Variants in JHY observed in about 807,000 individuals in gnomAD.
JHY encodes jhy protein homolog.
JHY carries 69 observed loss-of-function variants against 78.0 expected under a neutral mutation model. That is an observed-to-expected ratio of 0.88 (90% CI 0.73 to 1.08). JHY has a LOEUF of 1.08. Among genes scored for constraint, JHY ranks in the 50% least tolerant of loss-of-function variants. The pLI is 0.00. For synonymous variants in JHY, 368 were observed against 342.6 expected, an observed-to-expected ratio of 1.07 and a Z score of -0.82; for missense variants, 944 against 927.8, an observed-to-expected ratio of 1.02 and a Z score of -0.23.
chr11:122,887,546 CTCTTGA>C (rs1862521654), intron 2 of JHY, among the ~76,000 whole-genome samples: 1 of 152,050 alleles, frequency 6.6e-6, no homozygotes, highest in African/African-American at 2.4e-5. Flanking sequence ...TGGTCTCGAT[CTCTTGA>C]TCTTGTGATC....
At chr11:122,915,971 A>G (rs1038536568) in intron 3 of JHY, among the ~76,000 whole-genome samples, 11 of 152,146 alleles carry the variant, frequency 7.2e-5, no homozygotes, top group African/African-American at 2.7e-4. Flanking sequence ...TAGTTGGTCA[A>G]TTAAATCAAA....
Position 122,884,441 on chromosome 11 carries a change from GA to G in JHY, c.-89-1308del, listed in dbSNP as rs1294616356. Reference sequence around the variant, plus strand: ...AAAGGTTTCTGTTACCTGACTCACAGAAAAAAAAAAAATGGGTATAAAGGCA... The same window carrying G: ...AAAGGTTTCTGTTACCTGACTCACAGAAAAAAAAAAATGGGTATAAAGGCA... On this transcript the variant is annotated intron_variant, in intron 1 of 8. Coordinates refer to ENST00000227349, the MANE Select transcript of JHY (RefSeq NM_024806.4). 3.5e-3 allele frequency among the ~76,000 whole-genome samples: 480 copies of G among 135,788 alleles called. 3 individuals are homozygous for G. Among genetic ancestry groups the G allele is most frequent in the African/African-American group, 8.6e-3 (318 of 37,010 alleles). The allele number at this position is 135,788 out of a possible 152,430, so 89.1% of individuals were successfully genotyped here.
chr11:122,946,063 C>T (rs1025905680), intron 5 of JHY, among the ~76,000 whole-genome samples: 1 of 152,214 alleles, frequency 6.6e-6, no homozygotes, highest in African/African-American at 2.4e-5. Context: ...ACCCAAAACT[C>T]TTGTAAAGAA....
At chr11:122,936,092 G>T (rs2135357913) in intron 5 of JHY, among the ~76,000 whole-genome samples, 1 of 152,296 alleles carries the variant, frequency 6.6e-6, no homozygotes, top group Middle Eastern at 3.4e-3. Flanking sequence ...TCCCCACGAT[G>T]TAGATGTATA....
At chr11:122,895,624 C>T (rs1012273993) in intron 2 of JHY, among the ~76,000 whole-genome samples, 1 of 152,186 alleles carries the variant, frequency 6.6e-6, no homozygotes, top group East Asian at 1.9e-4. Flanking sequence ...TCTCTGCCTC[C>T]GTTTCTAACC....
chr11:122,913,337 C>T lies in JHY; in HGVS notation c.864+8893C>T, dbSNP rs182564058. Among the ~76,000 whole-genome samples the T allele has an allele frequency of 2.4e-3, 370 of 152,258 alleles. 1 individual carries two copies. The highest frequency in any genetic ancestry group is 0.015 in the Admixed American group (229 of 15,284). On this transcript the variant is annotated intron_variant, in intron 3 of 8. Coordinates refer to ENST00000227349, the MANE Select transcript of JHY (RefSeq NM_024806.4). ...TAAAATAAGGAATTTATTAATAACT[C>T]GGGATCATGTATTTGGTACTTTAGT...
intron 5 of JHY, among the ~76,000 whole-genome samples, chr11:122,941,578 C>T (rs973779562): frequency 2.6e-5 from 4 of 152,176 alleles, no homozygotes. Context: ...TAAGGGTGTA[C>T]AACCAAACTA....
Position 122,917,732 on chromosome 11 carries a change from A to T in JHY, c.865-7165A>T, listed in dbSNP as rs2135329569. Among the ~76,000 whole-genome samples the T allele has an allele frequency of 6.6e-6, 1 of 152,240 alleles. No individual in the cohort carries two copies. The highest frequency in any genetic ancestry group is 1.9e-4 in the East Asian group (1 of 5,184). On this transcript the variant is annotated intron_variant, in intron 3 of 8. Coordinates refer to ENST00000227349, the MANE Select transcript of JHY (RefSeq NM_024806.4). This position sits in a 1 kb window ranked among gnomAD's most constrained non-coding sequence, Gnocchi z 4.1. ...TTGTGATTTTTTTGTTTTTATCTCTAATGTGTCCATTCAGAGGTCACACTT... is the reference window on the plus strand; with the variant it reads ...TTGTGATTTTTTTGTTTTTATCTCTTATGTGTCCATTCAGAGGTCACACTT...
rs1863458093 is a variant in JHY at position 122,924,798 on chromosome 11, C to T, written c.865-99C>T. ...GAAATTAACTGAAAATAAAACCTAG[C>T]CCAGCAGGACCGTTTTCTAGAGTGC... On this transcript the variant is annotated intron_variant, in intron 3 of 8. Coordinates refer to ENST00000227349, the MANE Select transcript of JHY (RefSeq NM_024806.4). 3.6e-6 allele frequency: 3 copies of T among 835,134 alleles called. No individual in the cohort carries two copies. The South Asian group carries it at 5.2e-5, about 14-fold the overall frequency. The allele number at this position is 835,134 out of a possible 1,614,324, so 51.7% of individuals were successfully genotyped here.
intron 5 of JHY, among the ~76,000 whole-genome samples, chr11:122,944,103 G>A (rs775305312): frequency 2.6e-5 from 4 of 152,072 alleles, no homozygotes; most frequent in Non-Finnish European, 5.9e-5. Flanking sequence ...AGGCTGAGGT[G>A]GGAGGATCAC....
At chr11:122,904,488 A>G (rs1862944244) in intron 3 of JHY, 44 bp downstream of exon 3, 1 of 1,560,416 alleles carries the variant, frequency 6.4e-7, no homozygotes, top group Admixed American at 1.9e-5. Context: ...ACATTAAACC[A>G]GAATTTGCGT....
rs946266751 is a variant in JHY at position 122,883,879 on chromosome 11, T to G, written c.-90+907T>G. On this transcript the variant is annotated intron_variant, in intron 1 of 8. Coordinates refer to ENST00000227349, the MANE Select transcript of JHY (RefSeq NM_024806.4). This position sits in a 1 kb window ranked among gnomAD's most constrained non-coding sequence, Gnocchi z 4.4. Reference sequence around the variant, plus strand: ...ATTTAAGAAGAGAAGTTCAAGGGACTGAATTATTTTAAGAGTAATTCTAAG... The same window carrying G: ...ATTTAAGAAGAGAAGTTCAAGGGACGGAATTATTTTAAGAGTAATTCTAAG... Among the ~76,000 whole-genome samples the G allele has an allele frequency of 6.6e-6, 1 of 152,266 alleles. No individual in the cohort carries two copies. Among genetic ancestry groups the G allele is most frequent in the Non-Finnish European group, 1.5e-5 (1 of 68,044 alleles).
chr11:122,947,126 C>G, intron 6 of JHY: 1 of 207,922 alleles, frequency 4.8e-6, no homozygotes, highest in Admixed American at 5.7e-5. Context: ...TACTCCACCC[C>G]AAGCCCCATG....
At chr11:122,922,732 C>T (rs1303694382) in intron 3 of JHY, among the ~76,000 whole-genome samples, 2 of 150,066 alleles carry the variant, frequency 1.3e-5, no homozygotes, top group African/African-American at 5.0e-5. Context: ...ATGGCGTGAA[C>T]CCGGGAGGCG....
Position 122,904,227 on chromosome 11 carries a change from G to A in JHY, c.647G>A (p.Ser216Asn). ...AAGCCGTTTTCAGAGCTGAGCGACA[G>A]TGACCTGGAGGAGAAGTCGAGCAGC... The part of the protein sequence containing the change: ...RSKPFSELSD[S>N]DLEEKSSSLS... The change falls in exon 3 of 9, where the codon AGT becomes AAT. Residue 216 changes from serine to asparagine, a missense_variant. Physicochemically the swap from Ser to Asn is conservative, Grantham distance 46. Transcript: ENST00000227349. The A allele has an allele frequency of 2.5e-6, 4 of 1,614,066 alleles. No individual in the cohort carries two copies. Among genetic ancestry groups the A allele is most frequent in the African/African-American group, 2.7e-5 (2 of 75,052 alleles).
intron 3 of JHY, among the ~76,000 whole-genome samples, chr11:122,918,339 G>T (rs773262009): frequency 4.0e-5 from 6 of 150,326 alleles, no homozygotes; most frequent in East Asian, 3.9e-4. Context: ...ATAAATTAGT[G>T]CATTGGTGCA....
chr11:122,918,053 A>G (rs2135330189), intron 3 of JHY, among the ~76,000 whole-genome samples: 1 of 151,666 alleles, frequency 6.6e-6, no homozygotes. Context: ...GGCATGAGCC[A>G]CCACACCCAG....
intron 1 of JHY, among the ~76,000 whole-genome samples, chr11:122,884,497 T>C (rs916226020): frequency 1.3e-5 from 2 of 150,270 alleles, no homozygotes; most frequent in Non-Finnish European, 3.0e-5. Context: ...AAAATAGAAA[T>C]GCTAGGTAGA....
intron 8 of JHY, 102 bp downstream of exon 8, chr11:122,957,593 C>A: frequency 1.0e-5 from 12 of 1,201,218 alleles, no homozygotes; most frequent in Non-Finnish European, 1.3e-5. Flanking sequence ...CAGAGTCTTG[C>A]CGTCTTGCCC....
Sources: gnomAD v4.1 joint callset for allele counts (sites outside exome capture counted in the v4.1 genomes callset) on GRCh38, gnomAD v4.1.1 for gene constraint, Gnocchi (gnomAD v3.1) non-coding constraint, MANE v1.5 for transcripts, NCBI Gene and HGNC (gene_info 2026-07-23, HGNC 2026-07-21) for gene names.